TIAM2: variants seen among roughly 807,000 people sequenced by gnomAD.
The protein encoded by TIAM2 is rho guanine nucleotide exchange factor TIAM2.
A neutral mutation model predicts 152.9 loss-of-function variants in TIAM2; 80 were observed. The ratio of observed to expected loss-of-function variants is 0.52; its 90% confidence interval spans 0.44 to 0.63. The LOEUF is 0.63. TIAM2 is among the 30% of genes least tolerant of loss of function. TIAM2 has a pLI of 0.00. For missense variants in TIAM2, 1,965 were observed against 2,120.1 expected (o/e 0.93, Z 1.44); for synonymous variants, 804 against 838.0 (o/e 0.96, Z 0.70).
intron 12 of TIAM2, among the ~76,000 whole-genome samples, chr6:155,180,025 A>G (rs746947090): frequency 6.6e-6 from 1 of 152,194 alleles, no homozygotes; most frequent in Admixed American, 6.5e-5. Flanking sequence ...CATGCCTGTA[A>G]TCCCAGCACT....
intron 14 of TIAM2, among the ~76,000 whole-genome samples, chr6:155,208,736 T>C (rs1781648798): frequency 6.6e-6 from 1 of 152,182 alleles, no homozygotes; most frequent in Non-Finnish European, 1.5e-5. Context: ...ATCTACCTCC[T>C]CAAATGCTCA....
intron 14 of TIAM2, among the ~76,000 whole-genome samples, chr6:155,207,640 G>A (rs1781626491): frequency 1.3e-5 from 2 of 152,140 alleles, no homozygotes; most frequent in Non-Finnish European, 2.9e-5. Flanking sequence ...GAGAAAATCC[G>A]GTGGCACCCA....
intron 15 of TIAM2, among the ~76,000 whole-genome samples, chr6:155,226,883 T>G (rs1782267578): frequency 6.6e-6 from 1 of 152,144 alleles, no homozygotes; most frequent in Non-Finnish European, 1.5e-5. Flanking sequence ...CCAGGGCAAG[T>G]CAAGCTGTTT....
chr6:155,082,910 G>A (rs535817257), intron 1 of TIAM2, among the ~76,000 whole-genome samples: 2 of 152,066 alleles, frequency 1.3e-5, no homozygotes, highest in Non-Finnish European at 2.9e-5. Flanking sequence ...CAGAGTCCCT[G>A]CTACTTTTTA....
chr6:155,198,197 G>A (rs1270228701), intron 14 of TIAM2, among the ~76,000 whole-genome samples: 1 of 152,184 alleles, frequency 6.6e-6, no homozygotes, highest in Non-Finnish European at 1.5e-5. Flanking sequence ...AAGTTGCCTT[G>A]CAATATCGCT....
intron 16 of TIAM2, among the ~76,000 whole-genome samples, chr6:155,242,885 G>A (rs372691458): frequency 1.5e-3 from 228 of 147,222 alleles, no homozygotes; most frequent in African/African-American, 5.3e-3. Context: ...ACAGGCACCC[G>A]CCACCACACC....
chr6:155,127,180 G>T (rs1189293910), intron 2 of TIAM2, among the ~76,000 whole-genome samples: 1 of 152,232 alleles, frequency 6.6e-6, no homozygotes, highest in Non-Finnish European at 1.5e-5. Flanking sequence ...GAGACTGAGA[G>T]TTGTTTTCCT....
rs917099376 is a variant in TIAM2, at chr6:155,104,040, A to G, written c.-118+13661A>G. Among the ~76,000 whole-genome samples, 63 of 57,732 alleles carry G rather than the reference A, an allele frequency of 1.1e-3. 2 individuals carry two copies. Among genetic ancestry groups the G allele is most frequent in the Non-Finnish European group, 1.8e-3 (56 of 30,916 alleles). 37.9% of individuals were successfully genotyped at this position (57,732 alleles called of 152,430 possible). On this transcript the variant is annotated intron_variant, in intron 2 of 26. Transcript: ENST00000682666. ...TTCTGTATTTACCTCACACACACAC[A>G]CCCCCCCCCCCACACCCCCACACAC...
chr6:155,053,570 A>T (rs1175183544), intron 1 of TIAM2, among the ~76,000 whole-genome samples: 1 of 150,188 alleles, frequency 6.7e-6, no homozygotes, highest in Non-Finnish European at 1.5e-5. Flanking sequence ...TCCCAGGTTC[A>T]AGAGATTCTC....
chr6:155,004,616 A>G (rs1366425445), intron 1 of TIAM2, among the ~76,000 whole-genome samples: 1 of 151,962 alleles, frequency 6.6e-6, no homozygotes, highest in Non-Finnish European at 1.5e-5. Context: ...GGATGGCCTC[A>G]ATCTCCTGAC....
intron 26 of TIAM2, chr6:155,256,132 A>G: frequency 2.4e-6 from 1 of 417,114 alleles, no homozygotes. Context: ...AAAGCACCTT[A>G]GTGAAAGAAA....
chr6:155,209,591 C>T (rs1781674493), intron 14 of TIAM2, among the ~76,000 whole-genome samples: 1 of 152,170 alleles, frequency 6.6e-6, no homozygotes, highest in Non-Finnish European at 1.5e-5. Flanking sequence ...AAAATTTCCC[C>T]AGGGACCCTT....
chr6:155,127,176 G>C (rs1779314323), intron 2 of TIAM2, among the ~76,000 whole-genome samples: 1 of 152,198 alleles, frequency 6.6e-6, no homozygotes, highest in African/African-American at 2.4e-5. Context: ...CTGTGAGACT[G>C]AGAGTTGTTT....
chr6:155,059,963 G>A (rs566654376), intron 1 of TIAM2, among the ~76,000 whole-genome samples: 2 of 152,114 alleles, frequency 1.3e-5, no homozygotes, highest in African/African-American at 2.4e-5. Context: ...CAGATTTTGG[G>A]AGACATACAG....
chr6:155,021,086 T>C (rs113672672), intron 1 of TIAM2, among the ~76,000 whole-genome samples: 1 of 152,202 alleles, frequency 6.6e-6, no homozygotes, highest in African/African-American at 2.4e-5. Flanking sequence ...CGAAATAATA[T>C]TCCCTTGTCT....
chr6:155,240,739 G>A (rs1443100788), intron 16 of TIAM2, 30 bp downstream of exon 16: 18 of 1,587,834 alleles, frequency 1.1e-5, no homozygotes, highest in African/African-American at 2.7e-5. Flanking sequence ...TTATGCATTC[G>A]TGCCTCTTTG....
intron 2 of TIAM2, among the ~76,000 whole-genome samples, chr6:155,099,220 ATGTGTGTG>A (rs34269926): frequency 0.12 from 18,474 of 148,180 alleles, 1,271 homozygotes; most frequent in East Asian, 0.25. Context: ...GTATATATAT[ATGTGTGTG>A]TGTGTGTGTG....
At chr6:155,126,075 T>C (rs1360389454) in intron 2 of TIAM2, among the ~76,000 whole-genome samples, 1 of 152,226 alleles carries the variant, frequency 6.6e-6, no homozygotes, top group African/African-American at 2.4e-5. Flanking sequence ...GCAACCCAAG[T>C]GTCTCTCCAT....
At chr6:155,079,680 C>T (rs773543427) in intron 1 of TIAM2, among the ~76,000 whole-genome samples, 70 of 152,364 alleles carry the variant, frequency 4.6e-4, no homozygotes, top group African/African-American at 9.6e-4. Context: ...GGCACAGTGG[C>T]TCACGCCTGT....
Sources: gnomAD v4.1 joint callset for allele counts (sites outside exome capture counted in the v4.1 genomes callset) on GRCh38, gnomAD v4.1.1 for gene constraint, MANE v1.5 for transcripts, NCBI Gene and HGNC (gene_info 2026-07-23, HGNC 2026-07-21) for gene names.